TYW1B: variants seen among roughly 807,000 people sequenced by gnomAD.
The protein encoded by TYW1B is S-adenosyl-L-methionine-dependent tRNA 4-demethylwyosine synthase TYW1B.
A neutral mutation model predicts 86.9 loss-of-function variants in TYW1B; 73 were observed. The observed-to-expected ratio is 0.84, with a 90% CI of 0.70 to 1.02. TYW1B has a LOEUF of 1.02. Among genes scored for constraint, TYW1B ranks in the 50% least tolerant of loss-of-function variants. The pLI, the probability that TYW1B is intolerant of heterozygous loss-of-function variation, is 0.00. For synonymous variants in TYW1B, 248 were observed against 292.8 expected, an observed-to-expected ratio of 0.85 and a Z score of 1.56; for missense variants, 637 against 827.4, an observed-to-expected ratio of 0.77 and a Z score of 2.82.
intron 8 of TYW1B, among the ~76,000 whole-genome samples, chr7:72,735,898 AT>A (rs1787190163): frequency 6.6e-6 from 1 of 151,994 alleles, no homozygotes; most frequent in Non-Finnish European, 1.5e-5. Flanking sequence ...ATACCGTAAC[AT>A]TATCCTATTT....
chr7:72,648,292 C>G (rs1812978964), intron 11 of TYW1B, among the ~76,000 whole-genome samples: 1 of 152,002 alleles, frequency 6.6e-6, no homozygotes, highest in Non-Finnish European at 1.5e-5. Flanking sequence ...CTTGTAATCC[C>G]AGCACTTTGG....
At chr7:72,605,188 T>C (rs1258834495) in intron 13 of TYW1B, among the ~76,000 whole-genome samples, 1 of 152,198 alleles carries the variant, frequency 6.6e-6, no homozygotes, top group Non-Finnish European at 1.5e-5. Flanking sequence ...CCACGAAGTA[T>C]TCCAGGTATG....
chr7:72,576,470 C>T (rs1474387543), intron 13 of TYW1B, among the ~76,000 whole-genome samples: 3 of 150,766 alleles, frequency 2.0e-5, no homozygotes, highest in Admixed American at 6.6e-5. Flanking sequence ...TACGCTGATA[C>T]CTGACTCATA....
intron 11 of TYW1B, among the ~76,000 whole-genome samples, chr7:72,659,783 C>T (rs535771644): frequency 6.6e-6 from 1 of 152,062 alleles, no homozygotes; most frequent in African/African-American, 2.4e-5. Context: ...TCTTCTAAAA[C>T]CCCCAAAGGA....
At chr7:72,744,429 T>A (rs1585948649) in intron 8 of TYW1B, 55 bp downstream of exon 8, 1 of 1,517,206 alleles carries the variant, frequency 6.6e-7, no homozygotes, top group African/African-American at 1.4e-5. Context: ...CTGGGCAGAT[T>A]GATTACCACA....
At chr7:72,795,014 T>C (rs1435875459) in intron 6 of TYW1B, among the ~76,000 whole-genome samples, 2 of 151,854 alleles carry the variant, frequency 1.3e-5, no homozygotes, top group Non-Finnish European at 2.9e-5. Flanking sequence ...GAGACAGGGT[T>C]TTGCCATGTT....
chr7:72,638,567 G>T (rs1812725737), intron 11 of TYW1B, among the ~76,000 whole-genome samples: 1 of 152,140 alleles, frequency 6.6e-6, no homozygotes, highest in Admixed American at 6.5e-5. Flanking sequence ...TTAATGGCAA[G>T]AACCTGGAAG....
At chr7:72,751,952 TC>T (rs1366127582) in intron 7 of TYW1B, among the ~76,000 whole-genome samples, 10 of 152,210 alleles carry the variant, frequency 6.6e-5, no homozygotes, top group Admixed American at 3.9e-4. Context: ...ACTGGGAGTC[TC>T]TCAGTGGAGA....
intron 8 of TYW1B, among the ~76,000 whole-genome samples, chr7:72,742,381 T>C (rs1787320681): frequency 6.6e-6 from 1 of 152,178 alleles, no homozygotes; most frequent in Non-Finnish European, 1.5e-5. Context: ...CCACCCACCC[T>C]GGCGTCCCAA....
At chr7:72,725,116 G>A (rs1463364873) in intron 9 of TYW1B, among the ~76,000 whole-genome samples, 4 of 152,130 alleles carry the variant, frequency 2.6e-5, no homozygotes, top group African/African-American at 2.4e-5. Flanking sequence ...TGAAAAACAC[G>A]TGCTCACGGA....
chr7:72,741,882 T>C (rs1787310164), intron 8 of TYW1B, among the ~76,000 whole-genome samples: 1 of 152,146 alleles, frequency 6.6e-6, no homozygotes, highest in Non-Finnish European at 1.5e-5. Context: ...GATTTCTATA[T>C]CTAGCAAAAC....
chr7:72,634,901 C>T (rs1187254557), intron 11 of TYW1B, among the ~76,000 whole-genome samples: 5 of 152,104 alleles, frequency 3.3e-5, no homozygotes, highest in Non-Finnish European at 2.9e-5. Context: ...CTGTTATAAA[C>T]GTATTAGAAA....
intron 12 of TYW1B, among the ~76,000 whole-genome samples, chr7:72,618,617 C>T (rs782469956): frequency 2.0e-5 from 3 of 152,186 alleles, no homozygotes; most frequent in Non-Finnish European, 1.5e-5. Context: ...GCCAAACACT[C>T]GACTCAAGAC....
intron 7 of TYW1B, among the ~76,000 whole-genome samples, chr7:72,771,949 C>T (rs1554469703): frequency 4.0e-5 from 6 of 151,382 alleles, no homozygotes; most frequent in South Asian, 2.1e-4. Flanking sequence ...CGGGTTTAAA[C>T]GATTCTCATG....
intron 13 of TYW1B, among the ~76,000 whole-genome samples, chr7:72,602,990 G>A (rs1455322872): frequency 6.6e-6 from 1 of 152,096 alleles, no homozygotes; most frequent in Non-Finnish European, 1.5e-5. Context: ...GGTAGTACTG[G>A]ATTATAACCC....
chr7:72,716,040 C>T (rs1554455892), intron 9 of TYW1B, among the ~76,000 whole-genome samples: 1 of 152,226 alleles, frequency 6.6e-6, no homozygotes, highest in African/African-American at 2.4e-5. Flanking sequence ...AAGCCATTCT[C>T]CTGCCTCAGC....
intron 11 of TYW1B, among the ~76,000 whole-genome samples, chr7:72,675,771 A>G (rs1479023313): frequency 6.6e-6 from 1 of 152,020 alleles, no homozygotes; most frequent in Middle Eastern, 3.2e-3. Flanking sequence ...TTCTCATGTG[A>G]AAAAAAGCCA....
Position 72,736,459 on chromosome 7 carries a change from T to C in TYW1B, c.1083-7528A>G, listed in dbSNP as rs1787198615. On this transcript the variant is annotated intron_variant, in intron 8 of 13. Coordinates refer to ENST00000620995, the MANE Select transcript of TYW1B (RefSeq NM_001145440.3). ...ATGTTAGCACAGGTCTTTGAATAAA[T>C]TTTGCTTCTAAGAGAAGTTACTATT... 2.6e-5 allele frequency among the ~76,000 whole-genome samples: 4 copies of C among 152,314 alleles called. No homozygotes were observed. The South Asian group carries it at 8.3e-4, about 32-fold the overall frequency.
At chr7:72,695,093 G>A (rs1409587815) in intron 10 of TYW1B, among the ~76,000 whole-genome samples, 2 of 152,052 alleles carry the variant, frequency 1.3e-5, no homozygotes, top group South Asian at 2.1e-4. Context: ...AGTTTGAATG[G>A]AAAATAAACA....
Sources: gnomAD v4.1 joint callset for allele counts (sites outside exome capture counted in the v4.1 genomes callset) on GRCh38, gnomAD v4.1.1 for gene constraint, MANE v1.5 for transcripts, NCBI Gene and HGNC (gene_info 2026-07-23, HGNC 2026-07-21) for gene names.